TRABD2B: variants seen among roughly 807,000 people sequenced by gnomAD.
The protein encoded by TRABD2B is TraB domain containing 2B, also known as metalloprotease TIKI2.
In TRABD2B, 14 loss-of-function variants were observed where a neutral mutation model predicts 40.1. That is an observed-to-expected ratio of 0.35 (90% CI 0.23 to 0.55). The LOEUF (loss-of-function observed/expected upper bound fraction) is 0.55. Ranked by LOEUF, TRABD2B falls within the 20% of genes least tolerant of loss-of-function variation. The pLI is 0.90. For missense variants in TRABD2B, 541 were observed against 648.6 expected, an observed-to-expected ratio of 0.83 and a Z score of 1.80; for synonymous variants, 263 against 277.0, an observed-to-expected ratio of 0.95 and a Z score of 0.50.
At chr1:47,895,754 T>C (rs1644509234) in intron 2 of TRABD2B, among the ~76,000 whole-genome samples, 1 of 152,210 alleles carries the variant, frequency 6.6e-6, no homozygotes. Flanking sequence ...GGTGATCCTC[T>C]GGGCTGAAAG....
At chr1:47,815,872 G>A (rs575853862) in intron 2 of TRABD2B, among the ~76,000 whole-genome samples, 1 of 152,244 alleles carries the variant, frequency 6.6e-6, no homozygotes, top group East Asian at 1.9e-4. Flanking sequence ...CAGGAGTGTG[G>A]ACTGTGCTTT....
chr1:47,859,294 C>T (rs534970925), intron 2 of TRABD2B, among the ~76,000 whole-genome samples: 1 of 152,202 alleles, frequency 6.6e-6, no homozygotes, highest in African/African-American at 2.4e-5. Flanking sequence ...TGGTTACCCA[C>T]AGCCAGCCAG....
intron 2 of TRABD2B, among the ~76,000 whole-genome samples, chr1:47,856,993 G>A (rs1020713430): frequency 3.3e-5 from 5 of 152,206 alleles, no homozygotes; most frequent in African/African-American, 1.2e-4. Context: ...TGAATAGGAG[G>A]TTTTTTGACA....
chr1:47,962,510 A>G (rs1433012280), intron 2 of TRABD2B, among the ~76,000 whole-genome samples: 2 of 152,184 alleles, frequency 1.3e-5, no homozygotes, highest in East Asian at 3.8e-4. Flanking sequence ...TGTCTCTCAG[A>G]TCCTGATACC....
chr1:47,811,773 G>T (rs1157682170), intron 2 of TRABD2B, among the ~76,000 whole-genome samples: 1 of 152,188 alleles, frequency 6.6e-6, no homozygotes, highest in Non-Finnish European at 1.5e-5. Flanking sequence ...GGTGCTGTGG[G>T]CTCTGACCCA....
intron 4 of TRABD2B, among the ~76,000 whole-genome samples, chr1:47,789,093 G>A (rs1644635999): frequency 1.3e-5 from 2 of 152,180 alleles, no homozygotes; most frequent in Admixed American, 6.5e-5. Flanking sequence ...TGTGTGATTT[G>A]GTCCAGTATG....
intron 3 of TRABD2B, among the ~76,000 whole-genome samples, chr1:47,796,574 G>T (rs1644751064): frequency 6.6e-6 from 1 of 152,218 alleles, no homozygotes; most frequent in African/African-American, 2.4e-5. Flanking sequence ...TGCTGGCCAA[G>T]GCCTAGTGTG....
At chr1:47,901,445 C>G (rs1245150331) in intron 2 of TRABD2B, among the ~76,000 whole-genome samples, 1 of 152,188 alleles carries the variant, frequency 6.6e-6, no homozygotes, top group Non-Finnish European at 1.5e-5. Flanking sequence ...GGCTCAGCGG[C>G]AGGGGGCATG....
chr1:47,801,806 G>A (rs1042377552), intron 2 of TRABD2B, among the ~76,000 whole-genome samples, 187 bp from the exon 3 acceptor site: 13 of 152,100 alleles, frequency 8.5e-5, no homozygotes, highest in African/African-American at 3.1e-4. Flanking sequence ...CTCTGAGCAC[G>A]TTCAGCCTGC....
chr1:47,927,620 G>A (rs1222242105), intron 2 of TRABD2B, among the ~76,000 whole-genome samples: 1 of 152,218 alleles, frequency 6.6e-6, no homozygotes, highest in African/African-American at 2.4e-5. Flanking sequence ...TGTTTGTCAG[G>A]AGGGTCCTCC....
Position 47,773,467 on chromosome 1 carries a change from G to A in TRABD2B, c.1349+1703C>T, listed in dbSNP as rs182882603. 5.4e-4 allele frequency among the ~76,000 whole-genome samples: 83 copies of A among 152,350 alleles called. No individual in the cohort carries two copies. In the East Asian group the frequency reaches 0.013, roughly 24 times the overall value. ...GAATCGTAACTCCCATAATTCCCAC[G>A]TGTTGTGGGAGGGATCTGGTGGGAG... On this transcript the variant is annotated intron_variant, in intron 6 of 6. Transcript: ENST00000606738.
intron 2 of TRABD2B, among the ~76,000 whole-genome samples, chr1:47,895,154 G>A (rs1497098): frequency 0.44 from 67,252 of 152,000 alleles, 15,245 homozygotes; most frequent in East Asian, 0.59. Flanking sequence ...CCCAGGAGAC[G>A]GCCACAGGGA....
intron 2 of TRABD2B, among the ~76,000 whole-genome samples, chr1:47,868,799 C>CA (rs1195127508): frequency 6.6e-6 from 1 of 152,178 alleles, no homozygotes; most frequent in Non-Finnish European, 1.5e-5. Context: ...TCACTCTACT[C>CA]AAGCGCAATC....
intron 2 of TRABD2B, among the ~76,000 whole-genome samples, chr1:47,965,428 G>C (rs74075006): frequency 0.017 from 2,557 of 151,682 alleles, 75 homozygotes; most frequent in African/African-American, 0.058. Context: ...AGGAAGTCTA[G>C]TGCACTCCTG....
At chr1:47,961,411 C>G (rs1570373140) in intron 2 of TRABD2B, among the ~76,000 whole-genome samples, 1 of 152,296 alleles carries the variant, frequency 6.6e-6, no homozygotes, top group African/African-American at 2.4e-5. Context: ...AAACTACCAC[C>G]AGAGTGAACA....
chr1:47,775,811 A>G (rs1369352485), intron 5 of TRABD2B, among the ~76,000 whole-genome samples: 1 of 152,150 alleles, frequency 6.6e-6, no homozygotes, highest in African/African-American at 2.4e-5. Flanking sequence ...CGAGGAGCAA[A>G]TGAAACAGAG....
chr1:47,887,857 G>A (rs1475031197), intron 2 of TRABD2B, among the ~76,000 whole-genome samples: 1 of 152,180 alleles, frequency 6.6e-6, no homozygotes, highest in Admixed American at 6.5e-5. Flanking sequence ...ACCCCTGACA[G>A]CTTCCTCTCT....
chr1:47,848,821 C>T (rs903167054), intron 2 of TRABD2B, among the ~76,000 whole-genome samples: 1 of 152,226 alleles, frequency 6.6e-6, no homozygotes, highest in African/African-American at 2.4e-5. Context: ...GGTTCTAATC[C>T]TTGACCATGT....
In TRABD2B at chr1:47,813,340, C is replaced by T. The variant is rs570148749; in HGVS notation, c.667-11721G>A. Among the ~76,000 whole-genome samples, 6 of 152,196 alleles carry T rather than the reference C, an allele frequency of 3.9e-5. No homozygotes were observed. Among genetic ancestry groups the T allele is most frequent in the Middle Eastern group, 3.4e-3 (1 of 294 alleles). The stretch of plus-strand genomic sequence containing the variant: ...CCAAGGAGGACCGGATTGGAGGGGG[C>T]ACCTCCAGGTGGCCAGGGATGGAAG... On this transcript the variant is annotated intron_variant, in intron 2 of 6. Transcript: ENST00000606738. The surrounding 1 kb of genome is among the most constrained non-coding windows in gnomAD (Gnocchi z 4.3).
Sources: gnomAD v4.1 joint callset for allele counts (sites outside exome capture counted in the v4.1 genomes callset) on GRCh38, gnomAD v4.1.1 for gene constraint, Gnocchi (gnomAD v3.1) non-coding constraint, MANE v1.5 for transcripts, NCBI Gene and HGNC (gene_info 2026-07-23, HGNC 2026-07-21) for gene names.